CACNA1G: variants seen among roughly 807,000 people sequenced by gnomAD.
The protein encoded by CACNA1G is calcium voltage-gated channel subunit alpha1 G.
Under a neutral mutation model 219.4 loss-of-function variants are expected in CACNA1G, and 67 were observed. The ratio of observed to expected loss-of-function variants is 0.31; its 90% CI spans 0.25 to 0.37. The LOEUF (loss-of-function observed/expected upper bound fraction) is 0.37. Ranked by LOEUF, CACNA1G falls within the 10% of genes least tolerant of loss-of-function variation. The pLI is 1.00. For missense variants in CACNA1G, 2,380 were observed against 3,231.4 expected (o/e 0.74, Z 6.39); for synonymous variants, 1,296 against 1,345.3 (o/e 0.96, Z 0.80).
chr17:50,565,499 T>C (rs1216730414), intron 1 of CACNA1G, among the ~76,000 whole-genome samples: 2 of 152,080 alleles, frequency 1.3e-5, no homozygotes, highest in African/African-American at 4.8e-5. Context: ...AGCCTCTCTG[T>C]GGGATGGGTG....
At chr17:50,564,861 G>A (rs2037209152) in intron 1 of CACNA1G, among the ~76,000 whole-genome samples, 1 of 152,120 alleles carries the variant, frequency 6.6e-6, no homozygotes, top group South Asian at 2.1e-4. Context: ...GATTGAGGGG[G>A]GGCCAGATCA....
At chr17:50,565,131 G>GCA (rs145576729) in intron 1 of CACNA1G, among the ~76,000 whole-genome samples, 14,049 of 137,160 alleles carry the variant, frequency 0.1, 696 homozygotes, top group African/African-American at 0.13. Context: ...GCACGCGCGC[G>GCA]CACACACACA....
chr17:50,595,773 C>G (rs540440789), intron 14 of CACNA1G, among the ~76,000 whole-genome samples: 1 of 152,246 alleles, frequency 6.6e-6, no homozygotes. Context: ...TCCCGAGCAG[C>G]CCCCTGGAGA....
chr17:50,575,639 C>T lies in CACNA1G; in HGVS notation c.1237C>T (p.Arg413Cys), dbSNP rs761521704. 3 of 1,613,642 alleles carry T rather than the reference C, an allele frequency of 1.9e-6. No homozygotes were observed. The highest frequency in any genetic ancestry group is 2.5e-6 in the Non-Finnish European group (3 of 1,179,884). ...QRESQLMREQ[R>C]VRFLSNASTL... ...GGAAAGCCAGCTGATGCGGGAGCAG[C>T]GTGTGCGGTTCCTGTCCAACGCCAG... is the stretch of plus-strand genomic sequence containing the variant. The change falls in exon 8 of 38, where the codon CGT (arginine) becomes TGT (cysteine). Residue 413 changes from arginine to cysteine, a missense_variant. Physicochemically the swap from Arg to Cys is radical, Grantham distance 180. Transcript: ENST00000359106.
chr17:50,618,843 G>C lies in CACNA1G; in HGVS notation c.5616G>C (p.Glu1872Asp). 1 of 1,613,714 alleles carries C rather than the reference G, an allele frequency of 6.2e-7. No homozygotes were observed. Among genetic ancestry groups the C allele is most frequent in the Non-Finnish European group, 8.5e-7 (1 of 1,179,878 alleles). The stretch of plus-strand genomic sequence containing the variant: ...AGGCCGAGCTAGAGGCTGAGCTGGA[G>C]CTGGAGATGAAGACCCTCAGCCCCC... ...KEEAELEAEL[E>D]LEMKTLSPQP... The change falls in exon 33 of 38, where the codon GAG becomes GAC. Residue 1872 changes from glutamate to aspartate, a missense_variant. This residue lies in a region of CACNA1G where 672 missense variants were observed against 670.5 expected (regional missense o/e 1.00). Transcript: ENST00000359106. The surrounding 1 kb of genome is among the most constrained non-coding windows in gnomAD (Gnocchi z 5.3).
At chr17:50,619,187 C>T (rs2146302561) in intron 33 of CACNA1G, among the ~76,000 whole-genome samples, 179 bp downstream of exon 33, 1 of 152,316 alleles carries the variant, frequency 6.6e-6, no homozygotes, top group East Asian at 1.9e-4. Context: ...GCTGCCCACA[C>T]TCACCCCACA....
chr17:50,598,979 C>T lies in CACNA1G; in HGVS notation c.3259-449C>T, dbSNP rs559204710. ...CTGGCCTCAGGTGATCTGCCCGCCT[C>T]GGCCTCCCAATGTGCTGGGATTACA... is the stretch of plus-strand genomic sequence containing the variant. On this transcript the variant is annotated intron_variant, in intron 16 of 37. Coordinates refer to ENST00000359106, the MANE Select transcript of CACNA1G (RefSeq NM_018896.5). 6.0e-4 allele frequency among the ~76,000 whole-genome samples: 91 copies of T among 152,304 alleles called. 1 individual carries two copies. The highest frequency in any genetic ancestry group is 2.0e-3 in the African/African-American group (83 of 41,558).
rs976556322 is a variant in CACNA1G, at chr17:50,621,065, C to T, written c.5926-595C>T. On this transcript the variant is annotated intron_variant, in intron 34 of 37. Transcript: ENST00000359106. This position sits in a 1 kb window ranked among gnomAD's most constrained non-coding sequence, Gnocchi z 4.6. The stretch of plus-strand genomic sequence containing the variant: ...CTCCCAGAGCCCAAGTTGGAGAGGG[C>T]GGGCGGGCTGCAGGCAGGCGGAGGA... Among the ~76,000 whole-genome samples, 6 of 152,234 alleles carry T rather than the reference C, an allele frequency of 3.9e-5. No individual in the cohort carries two copies. Among genetic ancestry groups the T allele is most frequent in the South Asian group, 2.1e-4 (1 of 4,818 alleles).
chr17:50,574,606 G>C (rs1453678928), intron 7 of CACNA1G, among the ~76,000 whole-genome samples: 2 of 152,182 alleles, frequency 1.3e-5, no homozygotes, highest in Non-Finnish European at 2.9e-5. Flanking sequence ...GCTTGGGAGA[G>C]GGGGAAGGAA....
At chr17:50,606,639 G>A (rs1283038809) in intron 23 of CACNA1G, among the ~76,000 whole-genome samples, 1 of 152,188 alleles carries the variant, frequency 6.6e-6, no homozygotes, top group African/African-American at 2.4e-5. Context: ...TTGGTTTCTG[G>A]ATTTCCAGGG....
intron 22 of CACNA1G, 58 bp from the exon 23 acceptor site, chr17:50,605,840 T>G: frequency 6.3e-7 from 1 of 1,599,092 alleles, no homozygotes; most frequent in African/African-American, 1.3e-5. Context: ...GGCTCAGGAG[T>G]CCTGGGCTTC....
At chr17:50,569,682 C>T (rs1311291575) in intron 3 of CACNA1G, 24 bp from the exon 4 acceptor site, 3 of 1,521,148 alleles carry the variant, frequency 2.0e-6, no homozygotes, top group Non-Finnish European at 2.7e-6. Context: ...CTCAAAGGGC[C>T]TCCCTTTGGG....
In CACNA1G at chr17:50,561,375, G is replaced by A; in HGVS notation, c.-85G>A. 6.6e-7 allele frequency: 1 copy of A among 1,518,000 alleles called. No individual in the cohort carries two copies. The allele number at this position is 1,518,000 out of a possible 1,614,324, so 94.0% of individuals were successfully genotyped here. ...AGCCCACCAGATGTGCCCCCGCCGGGGCCCCCGGGTTGCGTGAGGACACCT... is the reference window on the plus strand; with the variant it reads ...AGCCCACCAGATGTGCCCCCGCCGGAGCCCCCGGGTTGCGTGAGGACACCT... On this transcript the variant is annotated 5_prime_UTR_variant, in exon 1 of 38. Transcript: ENST00000359106.
intron 35 of CACNA1G, among the ~76,000 whole-genome samples, chr17:50,623,176 G>A (rs2146426534): frequency 7.3e-6 from 1 of 137,798 alleles, no homozygotes; most frequent in African/African-American, 2.8e-5. Context: ...GCTCACTATA[G>A]CTTTGACCCC....
At chr17:50,573,827 C>T (rs951886720) in intron 7 of CACNA1G, among the ~76,000 whole-genome samples, 1 of 152,206 alleles carries the variant, frequency 6.6e-6, no homozygotes, top group Admixed American at 6.5e-5. Context: ...ATAACTTCAT[C>T]GCCACCACTT....
intron 26 of CACNA1G, among the ~76,000 whole-genome samples, chr17:50,612,171 C>T (rs2049350508): frequency 6.6e-6 from 1 of 152,256 alleles, no homozygotes; most frequent in Admixed American, 6.5e-5. Flanking sequence ...TGCAGATGCA[C>T]TGATCTACCC....
intron 26 of CACNA1G, among the ~76,000 whole-genome samples, chr17:50,613,083 G>A (rs933735862): frequency 1.3e-5 from 2 of 152,244 alleles, no homozygotes; most frequent in Non-Finnish European, 2.9e-5. Context: ...TGTCCTCTGG[G>A]CCAAGGCCTC....
Position 50,596,355 on chromosome 17 carries a change from G to T in CACNA1G, c.2980-207G>T, listed in dbSNP as rs1349481907. ...TAAGCTGTGGCCTTTTCTGAGGTGT[G>T]GCTGGAGAGGCAGAGGTGGTGGGGC... On this transcript the variant is annotated intron_variant, in intron 14 of 37. Transcript: ENST00000359106. This position sits in a 1 kb window ranked among gnomAD's most constrained non-coding sequence, Gnocchi z 4.8. Among the ~76,000 whole-genome samples the T allele has an allele frequency of 6.6e-6, 1 of 152,218 alleles. No homozygotes were observed. The highest frequency in any genetic ancestry group is 1.5e-5 in the Non-Finnish European group (1 of 68,026).
At chr17:50,577,943 G>A (rs1382689088) in intron 8 of CACNA1G, among the ~76,000 whole-genome samples, 2 of 152,088 alleles carry the variant, frequency 1.3e-5, no homozygotes, top group Non-Finnish European at 2.9e-5. Flanking sequence ...GGACATCCAG[G>A]CCACCTCTCT....
Sources: allele counts gnomAD v4.1 joint callset (sites outside exome capture counted in the v4.1 genomes callset), GRCh38; gene constraint gnomAD v4.1.1; regional missense constraint gnomAD v4.1.1; non-coding constraint Gnocchi (gnomAD v3.1); transcripts MANE v1.5; gene names NCBI Gene and HGNC (gene_info 2026-07-23, HGNC 2026-07-21).